Variants in SORCS2 observed in about 807,000 individuals in gnomAD.
SORCS2 encodes VPS10 domain-containing receptor SorCS2.
In SORCS2, 100 loss-of-function variants were observed where a neutral mutation model predicts 141.6. That is an observed-to-expected ratio of 0.71 (90% CI 0.60 to 0.83). The LOEUF is 0.83. Among genes scored for constraint, SORCS2 ranks in the 40% least tolerant of loss-of-function variants. The pLI, the probability that SORCS2 is intolerant of heterozygous loss-of-function variation, is 0.00. For missense variants in SORCS2, 1,646 were observed against 1,560.2 expected (o/e 1.05, Z -0.93); for synonymous variants, 789 against 676.9 (o/e 1.17, Z -2.57).
chr4:7,654,947 C>A (rs1452286427), intron 5 of SORCS2, among the ~76,000 whole-genome samples: 1 of 152,182 alleles, frequency 6.6e-6, no homozygotes, highest in Non-Finnish European at 1.5e-5. Flanking sequence ...CTGAGCACCC[C>A]AGCCTCACTG....
chr4:7,367,069 T>C (rs1721943598), intron 1 of SORCS2, among the ~76,000 whole-genome samples: 1 of 152,228 alleles, frequency 6.6e-6, no homozygotes, highest in Admixed American at 6.5e-5. Context: ...TAAAATAGCC[T>C]CTGGGTCTCC....
At chr4:7,662,720 T>C (rs984058814) in intron 6 of SORCS2, among the ~76,000 whole-genome samples, 6 of 152,234 alleles carry the variant, frequency 3.9e-5, no homozygotes, top group African/African-American at 1.2e-4. Context: ...GAGCACCCAC[T>C]GTCCACAGCT....
At chr4:7,512,713 C>T (rs955885665) in intron 2 of SORCS2, among the ~76,000 whole-genome samples, 3 of 151,912 alleles carry the variant, frequency 2.0e-5, no homozygotes, top group African/African-American at 4.8e-5. Context: ...CTCCTGTCCT[C>T]GTGGGAGGAG....
intron 2 of SORCS2, among the ~76,000 whole-genome samples, chr4:7,452,806 ATGTTGGGGTCAGGCTCCG>A (rs1560296612): frequency 6.7e-6 from 1 of 150,030 alleles, no homozygotes; most frequent in Non-Finnish European, 1.5e-5. Flanking sequence ...GTCAGGCGCC[ATGTTGGGGTCAGGCTCCG>A]TGTTGGGGTC....
intron 14 of SORCS2, among the ~76,000 whole-genome samples, chr4:7,706,735 C>CCTGGACAGAGATGAGGCTGGGCTCTGT (rs1725491302): frequency 1.4e-5 from 1 of 73,752 alleles, no homozygotes; most frequent in African/African-American, 5.6e-5. Flanking sequence ...CTGGGCTCTG[C>CCTGGACAGAGATGAGGCTGGGCTCTGT]CTGGGCAGGG....
chr4:7,452,638 G>A (rs1577587251), intron 2 of SORCS2, among the ~76,000 whole-genome samples: 1 of 152,204 alleles, frequency 6.6e-6, no homozygotes, highest in Non-Finnish European at 1.5e-5. Flanking sequence ...GCAATGTCCG[G>A]GCCTCTCTCT....
chr4:7,463,428 G>A (rs112493693), intron 2 of SORCS2, among the ~76,000 whole-genome samples: 1 of 152,120 alleles, frequency 6.6e-6, no homozygotes, highest in Non-Finnish European at 1.5e-5. Context: ...AGACTCCAGC[G>A]CATAGTAGGT....
intron 4 of SORCS2, among the ~76,000 whole-genome samples, chr4:7,647,801 G>A (rs1055138228): frequency 1.3e-5 from 2 of 152,204 alleles, no homozygotes; most frequent in Admixed American, 1.3e-4. Context: ...CTCAGCCCTC[G>A]GCTGGTTCTT....
intron 12 of SORCS2, among the ~76,000 whole-genome samples, chr4:7,702,356 A>C (rs1033329378): frequency 6.6e-6 from 1 of 151,714 alleles, no homozygotes; most frequent in Non-Finnish European, 1.5e-5. Flanking sequence ...CCGCCCACAC[A>C]TGCATGTTCA....
rs142856281 is a variant in SORCS2 at position 7,327,872 on chromosome 4, C to T, written c.481-68416C>T. On this transcript the variant is annotated intron_variant, in intron 1 of 26. Coordinates refer to ENST00000507866, the MANE Select transcript of SORCS2 (RefSeq NM_020777.3). ...GGGGCTGCTGACCGTGCTGTCCTGG[C>T]CAGGGCATTTGATGCCTGTTCTTGT... Among the ~76,000 whole-genome samples the T allele has an allele frequency of 2.1e-3, 315 of 151,216 alleles. 4 individuals carry two copies. The highest frequency in any genetic ancestry group is 0.011 in the South Asian group (51 of 4,702).
chr4:7,393,512 C>T (rs962262531), intron 1 of SORCS2, among the ~76,000 whole-genome samples: 1 of 152,210 alleles, frequency 6.6e-6, no homozygotes, highest in African/African-American at 2.4e-5. Flanking sequence ...AGCTTGACGT[C>T]GAATTGCCTG....
intron 1 of SORCS2, among the ~76,000 whole-genome samples, chr4:7,197,089 G>A (rs1469812775): frequency 6.6e-6 from 1 of 152,174 alleles, no homozygotes; most frequent in Non-Finnish European, 1.5e-5. Flanking sequence ...TCAAGGTATT[G>A]TCCAGGTTGA....
In SORCS2 at chr4:7,355,141, G is replaced by A. The variant is rs542878905; in HGVS notation, c.481-41147G>A. ...GATTTGTGGAAGGAACCCTGGGCTC[G>A]CTGGGAGGAAACTGGGCCTGAATCA... On this transcript the variant is annotated intron_variant, in intron 1 of 26. Transcript: ENST00000507866. 6.6e-5 allele frequency among the ~76,000 whole-genome samples: 10 copies of A among 152,204 alleles called. No individual in the cohort carries two copies. The East Asian group carries it at 7.7e-4, about 12-fold the overall frequency.
intron 22 of SORCS2, 127 bp from the exon 23 acceptor site, chr4:7,729,460 G>A: frequency 7.9e-7 from 1 of 1,265,564 alleles, no homozygotes; most frequent in Non-Finnish European, 1.1e-6. Context: ...CGCCATGCAG[G>A]GGTCAGGAAC....
rs1345397430 is a variant in SORCS2 at position 7,479,750 on chromosome 4, AG to A, written c.549-51778del. 5.3e-5 allele frequency among the ~76,000 whole-genome samples: 8 copies of A among 152,372 alleles called. No individual in the cohort carries two copies. The East Asian group carries it at 1.5e-3, about 29-fold the overall frequency. ...CTGAGCCCCAACTCTGCATGGTTCT[AG>A]GATACAGATGCTCTGCAAATGAATG... On this transcript the variant is annotated intron_variant, in intron 2 of 26. Transcript: ENST00000507866.
At chr4:7,456,321 G>T (rs530297184) in intron 2 of SORCS2, among the ~76,000 whole-genome samples, 2 of 152,322 alleles carry the variant, frequency 1.3e-5, no homozygotes, top group East Asian at 3.9e-4. Flanking sequence ...ATGAATGAAT[G>T]AATGAATGAA....
At chr4:7,676,349 C>T in intron 9 of SORCS2, 120 bp downstream of exon 9, 2 of 1,084,496 alleles carry the variant, frequency 1.8e-6, no homozygotes, top group Non-Finnish European at 2.6e-6. Flanking sequence ...CAAGGGTCTG[C>T]ACACATCTTC....
At chr4:7,462,998 C>T (rs2109327903) in intron 2 of SORCS2, among the ~76,000 whole-genome samples, 1 of 152,074 alleles carries the variant, frequency 6.6e-6, no homozygotes, top group Middle Eastern at 3.4e-3. Context: ...CACCACACCT[C>T]CCTGGTCTCT....
intron 2 of SORCS2, among the ~76,000 whole-genome samples, chr4:7,506,270 C>A (rs892190515): frequency 6.6e-6 from 1 of 152,182 alleles, no homozygotes; most frequent in East Asian, 1.9e-4. Context: ...CTTAATGAGG[C>A]CTAAATCTGT....
Sources: gnomAD v4.1 joint callset for allele counts (sites outside exome capture counted in the v4.1 genomes callset) on GRCh38, gnomAD v4.1.1 for gene constraint, MANE v1.5 for transcripts, NCBI Gene and HGNC (gene_info 2026-07-23, HGNC 2026-07-21) for gene names.